Variants in AP3B1 observed in about 807,000 individuals in gnomAD.
AP3B1 encodes the protein AP-3 complex subunit beta-1.
Under a neutral mutation model 132.5 loss-of-function variants are expected in AP3B1, and 61 were observed. The observed-to-expected ratio is 0.46, with a 90% CI of 0.37 to 0.57. The LOEUF is 0.57. AP3B1 is among the 20% of genes least tolerant of loss of function. The pLI is 0.00. For synonymous variants in AP3B1, 388 were observed against 438.3 expected, an observed-to-expected ratio of 0.89 and a Z score of 1.43; for missense variants, 1,120 against 1,289.4, an observed-to-expected ratio of 0.87 and a Z score of 2.01.
intron 24 of AP3B1, among the ~76,000 whole-genome samples, chr5:78,027,497 T>C (rs1307481416): frequency 6.6e-6 from 1 of 152,090 alleles, no homozygotes; most frequent in Non-Finnish European, 1.5e-5. Context: ...AGAAAGACTT[T>C]TTTCACTAAA....
At chr5:78,031,590 T>C (rs1375490064) in intron 24 of AP3B1, among the ~76,000 whole-genome samples, 2 of 152,080 alleles carry the variant, frequency 1.3e-5, no homozygotes, top group Non-Finnish European at 2.9e-5. Flanking sequence ...CTGTCAGGGG[T>C]AAGATTGGGG....
At chr5:78,244,196 C>T (rs1747272849) in intron 2 of AP3B1, among the ~76,000 whole-genome samples, 1 of 152,094 alleles carries the variant, frequency 6.6e-6, no homozygotes, top group Non-Finnish European at 1.5e-5. Context: ...GAGTTTGTGA[C>T]CAGCCCGGCC....
chr5:78,003,173 C>G (rs1746255371), intron 26 of AP3B1, 118 bp from the exon 27 acceptor site: 1 of 1,212,470 alleles, frequency 8.2e-7, no homozygotes, highest in Non-Finnish European at 1.1e-6. Context: ...TTGCTGCAGG[C>G]TCCCTATTGC....
At chr5:78,095,908 T>C (rs1197722771) in intron 21 of AP3B1, among the ~76,000 whole-genome samples, 1 of 152,344 alleles carries the variant, frequency 6.6e-6, no homozygotes, top group African/African-American at 2.4e-5. Context: ...TATCCTATAT[T>C]GAGTTAAAAA....
chr5:78,012,318 T>C (rs1746655007), intron 26 of AP3B1, among the ~76,000 whole-genome samples: 1 of 151,296 alleles, frequency 6.6e-6, no homozygotes, highest in Non-Finnish European at 1.5e-5. Flanking sequence ...TCATTTTAAA[T>C]GAAATTAAGA....
In AP3B1 at chr5:78,165,665, A is replaced by G. The variant is rs764013671; in HGVS notation, c.1175T>C (p.Ile392Thr). 1 of 1,600,788 alleles carries G rather than the reference A, an allele frequency of 6.2e-7. No homozygotes were observed. The highest frequency in any genetic ancestry group is 1.1e-5 in the South Asian group (1 of 90,202). ...GGCTTCATTTGCCAAGTTTGTCAAAATTTCAAGCTATAGTAGAGAAAAGAG... is the reference window on the plus strand; with the variant it reads ...GGCTTCATTTGCCAAGTTTGTCAAAGTTTCAAGCTATAGTAGAGAAAAGAG... ...PTMIKTLKLE[I>T]LTNLANEANI... Residue 392 changes from isoleucine (I) to threonine (T), a missense_variant, in exon 12 of 27, where the codon ATT (isoleucine) becomes ACT (threonine). By Grantham distance (89) the Ile-to-Thr change is moderately conservative (BLOSUM62 -1). This residue lies in a region of AP3B1 where 906 missense variants were observed against 997.1 expected (regional missense o/e 0.91). Coordinates refer to ENST00000255194, the MANE Select transcript of AP3B1 (RefSeq NM_003664.5).
chr5:78,249,579 C>CTTTT (rs71301504), intron 2 of AP3B1, among the ~76,000 whole-genome samples: 30 of 105,052 alleles, frequency 2.9e-4, no homozygotes, highest in Non-Finnish European at 3.7e-4. Context: ...TTTTCTTTTT[C>CTTTT]TTTTTTTTTT....
At chr5:78,202,552 A>AGTGTGTGTGAGT (rs1554075460) in intron 7 of AP3B1, among the ~76,000 whole-genome samples, 17 of 146,056 alleles carry the variant, frequency 1.2e-4, no homozygotes, top group African/African-American at 3.8e-4. Context: ...CCATATATTC[A>AGTGTGTGTGAGT]GTGTGTGTGT....
Position 78,015,468 on chromosome 5 carries a change from T to C in AP3B1, c.3073A>G (p.Lys1025Glu), listed in dbSNP as rs1218424826. The change falls in exon 26 of 27, where the codon AAG becomes GAG. Residue 1025 changes from lysine (K) to glutamate (E), a missense_variant. Lys to Glu is a moderately conservative substitution (Grantham distance 56). This residue lies in a region of AP3B1 where 906 missense variants were observed against 997.1 expected (regional missense o/e 0.91). Transcript: ENST00000255194. Reference sequence around the variant, plus strand: ...CCTACATTGGCTACATTTACAACCTTCTGAAAGATCACAGAGGGAGTGAAA... The same window carrying C: ...CCTACATTGGCTACATTTACAACCTCCTGAAAGATCACAGAGGGAGTGAAA... Reference protein sequence around the residue: ...QNFTPSVIFQKVVNVANVGAV... With the variant: ...QNFTPSVIFQEVVNVANVGAV... 1.9e-6 allele frequency: 3 copies of C among 1,613,806 alleles called. No individual in the cohort carries two copies. The highest frequency in any genetic ancestry group is 2.7e-5 in the African/African-American group (2 of 74,914).
In AP3B1 at chr5:78,279,040, A is replaced by T. The variant is rs564264673; in HGVS notation, c.129-11445T>A. Among the ~76,000 whole-genome samples the T allele has an allele frequency of 4.6e-5, 7 of 152,194 alleles. No homozygotes were observed. In the South Asian group the frequency reaches 1.5e-3, roughly 32 times the overall value. ...AAGATTAAAATGGTATCATATGTTG[A>T]TATGGAAAGACATATCAACATATGG... is the stretch of plus-strand genomic sequence containing the variant. On this transcript the variant is annotated intron_variant, in intron 1 of 26. Coordinates refer to ENST00000255194, the MANE Select transcript of AP3B1 (RefSeq NM_003664.5).
chr5:78,016,579 ACT>A (rs1304216707), intron 25 of AP3B1, among the ~76,000 whole-genome samples: 8 of 152,032 alleles, frequency 5.3e-5, no homozygotes, highest in Admixed American at 2.6e-4. Flanking sequence ...TTTTCAAAAG[ACT>A]CTGCACCGTC....
chr5:78,084,044 A>C (rs1052242400), intron 22 of AP3B1, among the ~76,000 whole-genome samples: 1 of 152,208 alleles, frequency 6.6e-6, no homozygotes, highest in Non-Finnish European at 1.5e-5. Context: ...TATCCCAGTG[A>C]AATTATTTTC....
intron 26 of AP3B1, among the ~76,000 whole-genome samples, chr5:78,009,668 T>C (rs1370332424): frequency 6.6e-6 from 1 of 152,012 alleles, no homozygotes; most frequent in Non-Finnish European, 1.5e-5. Context: ...TAAACCAACA[T>C]TTATTCGACT....
At chr5:78,203,483 A>G (rs1235518903) in intron 7 of AP3B1, among the ~76,000 whole-genome samples, 2 of 151,986 alleles carry the variant, frequency 1.3e-5, no homozygotes, top group Admixed American at 1.3e-4. Flanking sequence ...ACCTGGTCCC[A>G]CTCTTGACAT....
At chr5:78,093,291 T>C (rs1028624741) in intron 21 of AP3B1, among the ~76,000 whole-genome samples, 1 of 152,206 alleles carries the variant, frequency 6.6e-6, no homozygotes, top group Non-Finnish European at 1.5e-5. Context: ...CTCCTGGGGC[T>C]TAAGCAATCC....
At chr5:78,001,209 T>C (rs1435949172), downstream of AP3B1, 4 of 152,234 alleles carry the variant, frequency 2.6e-5, no homozygotes, top group Non-Finnish European at 5.9e-5. Flanking sequence ...AGCATGGATA[T>C]AATTTTTTTT....
intron 16 of AP3B1, among the ~76,000 whole-genome samples, chr5:78,128,523 G>T (rs1752560280): frequency 6.6e-6 from 1 of 152,022 alleles, no homozygotes; most frequent in Non-Finnish European, 1.5e-5. Context: ...AAACTGAATT[G>T]CTTTTTATCG....
At chr5:78,205,828 G>A (rs1745481451) in intron 7 of AP3B1, among the ~76,000 whole-genome samples, 1 of 148,926 alleles carries the variant, frequency 6.7e-6, no homozygotes, top group South Asian at 2.1e-4. Context: ...GATGGAGGGT[G>A]AAGAGGAAAG....
At chr5:78,178,039 T>C (rs1744222204) in intron 8 of AP3B1, among the ~76,000 whole-genome samples, 1 of 152,188 alleles carries the variant, frequency 6.6e-6, no homozygotes, top group African/African-American at 2.4e-5. Flanking sequence ...CTGAATGAAC[T>C]GCTCAAGGTG....
Sources: gnomAD v4.1 joint callset for allele counts (sites outside exome capture counted in the v4.1 genomes callset) on GRCh38, gnomAD v4.1.1 for gene constraint, gnomAD v4.1.1 regional missense constraint, MANE v1.5 for transcripts, NCBI Gene and HGNC (gene_info 2026-07-23, HGNC 2026-07-21) for gene names.